Variants in UGT3A2 observed in about 807,000 individuals in gnomAD.
UGT3A2 encodes UDP glycosyltransferase family 3 member A2, also known as UDP-glycosyltransferase 3A2.
UGT3A2 carries 32 observed loss-of-function variants against 39.8 expected under a neutral mutation model. The observed-to-expected ratio is 0.80, with a 90% CI of 0.61 to 1.08. UGT3A2 has a LOEUF of 1.08. Ranked by LOEUF, UGT3A2 falls within the 50% of genes least tolerant of loss-of-function variation. The pLI is 0.00. For synonymous variants in UGT3A2, 241 were observed against 230.7 expected (o/e 1.04, Z -0.40); for missense variants, 611 against 637.1 (o/e 0.96, Z 0.44).
intron 4 of UGT3A2, among the ~76,000 whole-genome samples, chr5:36,046,348 T>C (rs149050653): frequency 1.3e-3 from 204 of 152,268 alleles, no homozygotes; most frequent in African/African-American, 4.6e-3. Context: ...AGCCAAGATA[T>C]GGAATCAATC....
intron 4 of UGT3A2, among the ~76,000 whole-genome samples, chr5:36,042,582 A>G (rs1035702414): frequency 6.6e-6 from 1 of 152,170 alleles, no homozygotes; most frequent in East Asian, 1.9e-4. Flanking sequence ...CTCTCCAATC[A>G]AAACAGAAAG....
Position 36,035,812 on chromosome 5 carries a change from G to T in UGT3A2, c.1458C>A (p.Leu486=). 1 of 1,614,116 alleles carries T rather than the reference G, an allele frequency of 6.2e-7. No individual in the cohort carries two copies. Among genetic ancestry groups the T allele is most frequent in the Non-Finnish European group, 8.5e-7 (1 of 1,180,022 alleles). The change falls in exon 7 of 7, where the codon CTC becomes CTA. Residue 486 remains leucine, a synonymous_variant. Coordinates refer to ENST00000282507, the MANE Select transcript of UGT3A2 (RefSeq NM_174914.4). ...GCCCCAGCAGAAACACAAAAACGTC[G>T]AGCAGGTACTGCTCATGCCAGGGCT... ...FQQPWHEQYL[L]DVFVFLLGLT...
At chr5:36,058,844 TG>T (rs1385989595) in intron 2 of UGT3A2, among the ~76,000 whole-genome samples, 1 of 152,158 alleles carries the variant, frequency 6.6e-6, no homozygotes, top group Non-Finnish European at 1.5e-5. Context: ...TCTCTCATAA[TG>T]ACAGTAACAA....
intron 4 of UGT3A2, among the ~76,000 whole-genome samples, chr5:36,045,125 T>TA: frequency 6.6e-6 from 1 of 152,136 alleles, no homozygotes; most frequent in Non-Finnish European, 1.5e-5. Flanking sequence ...GGTACTGGCA[T>TA]AAAAAACAAG....
Position 36,035,627 on chromosome 5 carries a change from A to T in UGT3A2, c.*71T>A, listed in dbSNP as rs1201510691. 6.4e-7 allele frequency: 1 copy of T among 1,558,880 alleles called. No homozygotes were observed. The highest frequency in any genetic ancestry group is 8.7e-7 in the Non-Finnish European group (1 of 1,149,984). On this transcript the variant is annotated 3_prime_UTR_variant, in exon 7 of 7. Transcript: ENST00000282507. Reference sequence around the variant, plus strand: ...AAGGACTAGAGAATGGGGCTGCCAGAACTAGTGGGAAGCTCCCTAGAAATG... The same window carrying T: ...AAGGACTAGAGAATGGGGCTGCCAGTACTAGTGGGAAGCTCCCTAGAAATG...
At position 36,039,691 on chromosome 5, in the gene UGT3A2, A is replaced by C; in HGVS notation, c.861T>G (p.Ile287Met). 1.9e-6 allele frequency: 3 copies of C among 1,614,158 alleles called. No homozygotes were observed. The highest frequency in any genetic ancestry group is 2.5e-6 in the Non-Finnish European group (3 of 1,179,992). ...KPVPQDLENF[I>M]AKFGDSGFVL... The stretch of plus-strand genomic sequence containing the variant: ...CAAAACCAGAGTCCCCAAACTTGGC[A>C]ATGAAGTTCTCCAAGTCCTGGAGAA... Residue 287 changes from isoleucine to methionine, a missense_variant, in exon 5 of 7, where the codon ATT (isoleucine) becomes ATG (methionine). Physicochemically the swap from Ile to Met is conservative, Grantham distance 10. Transcript: ENST00000282507.
chr5:36,048,708 A>C (rs1241303896), intron 4 of UGT3A2, among the ~76,000 whole-genome samples, 181 bp downstream of exon 4: 5 of 152,190 alleles, frequency 3.3e-5, no homozygotes, highest in African/African-American at 4.8e-5. Flanking sequence ...AGGATGGTGC[A>C]AGGCCTAACA....
rs777176537 is a variant in UGT3A2, at chr5:36,035,959, T to A, written c.1311A>T (p.Ala437=). 1 of 1,613,638 alleles carries A rather than the reference T, an allele frequency of 6.2e-7. No homozygotes were observed. Among genetic ancestry groups the A allele is most frequent in the South Asian group, 1.1e-5 (1 of 91,058 alleles). The change falls in exon 7 of 7, where the codon GCA becomes GCT. Residue 437 remains alanine (A), a synonymous_variant. Coordinates refer to ENST00000282507, the MANE Select transcript of UGT3A2 (RefSeq NM_174914.4). ...IMEDKRYKSA[A]VAASVILRSH... ...AGCGCAGGATGACACTGGCAGCCAC[T>A]GCCGCGGACTTGTATCTGTTGAGAG...
chr5:36,048,302 T>C (rs1241870174), intron 4 of UGT3A2, among the ~76,000 whole-genome samples: 13 of 152,188 alleles, frequency 8.5e-5, no homozygotes, highest in Admixed American at 8.5e-4. Flanking sequence ...AATTGCGCTG[T>C]GCATTCAAAT....
chr5:36,043,069 G>T (rs956921447), intron 4 of UGT3A2, among the ~76,000 whole-genome samples: 2 of 151,966 alleles, frequency 1.3e-5, no homozygotes, highest in Non-Finnish European at 2.9e-5. Flanking sequence ...TCCAATGACT[G>T]CAAAAAAGAC....
Position 36,049,045 on chromosome 5 carries a change from G to A in UGT3A2, c.687C>T (p.Phe229=). 6.2e-7 allele frequency: 1 copy of A among 1,614,214 alleles called. No homozygotes were observed. Among genetic ancestry groups the A allele is most frequent in the Non-Finnish European group, 8.5e-7 (1 of 1,180,048 alleles). The change falls in exon 4 of 7, where the codon TTC becomes TTT. Residue 229 remains phenylalanine, a synonymous_variant. Transcript: ENST00000282507. The part of the protein sequence containing the change: ...STFDNTIKEH[F]TEGSRPVLSH... ...ACAAAACTGGCCTAGAGCCTTCTGT[G>A]AAATGTTCCTTGATGGTGTTGTCAA...
In UGT3A2 at chr5:36,038,020, T is replaced by C; in HGVS notation, c.1076-4A>G. 2 of 1,583,514 alleles carry C rather than the reference T, an allele frequency of 1.3e-6. No homozygotes were observed. The highest frequency in any genetic ancestry group is 1.7e-6 in the Non-Finnish European group (2 of 1,168,932). On this transcript the variant is annotated splice_region_variant and splice_polypyrimidine_tract_variant and intron_variant, in intron 5 of 6. Coordinates refer to ENST00000282507, the MANE Select transcript of UGT3A2 (RefSeq NM_174914.4). ...AACAGACGGATGCTTGGGTGAGCTG[T>C]TGTAAATAAGAAAGAGGGTGGGACA...
chr5:36,047,064 C>T (rs1040141851), intron 4 of UGT3A2, among the ~76,000 whole-genome samples: 2 of 152,196 alleles, frequency 1.3e-5, no homozygotes, highest in African/African-American at 4.8e-5. Flanking sequence ...CAGACTAAGG[C>T]ATAAGTGATT....
Position 36,035,459 on chromosome 5 carries a change from C to A in UGT3A2, c.*239G>T. The A allele has an allele frequency of 1.8e-6, 1 of 554,616 alleles. No homozygotes were observed. Among genetic ancestry groups the A allele is most frequent in the South Asian group, 2.2e-5 (1 of 45,386 alleles). 34.4% of individuals were successfully genotyped at this position (554,616 alleles called of 1,614,324 possible). The stretch of plus-strand genomic sequence containing the variant: ...ATCACAGCATAGCCCTTGCTGATGG[C>A]AAACAAAGGAGGACAAGAGGACTGG... On this transcript the variant is annotated 3_prime_UTR_variant, in exon 7 of 7. Coordinates refer to ENST00000282507, the MANE Select transcript of UGT3A2 (RefSeq NM_174914.4).
chr5:36,039,767 C>G, intron 4 of UGT3A2, 59 bp from the exon 5 acceptor site: 13 of 1,454,928 alleles, frequency 8.9e-6, no homozygotes, highest in Non-Finnish European at 1.2e-5. Flanking sequence ...GCCTAGTTGA[C>G]CAGAAAATGA....
At chr5:36,038,989 G>C (rs4091908) in intron 5 of UGT3A2, among the ~76,000 whole-genome samples, 88,358 of 152,102 alleles carry the variant, frequency 0.58, 29,889 homozygotes, top group Non-Finnish European at 0.75. Context: ...TTAATCTTGT[G>C]ATGGTAGAAG....
At chr5:36,053,804 G>T (rs1264839019) in intron 2 of UGT3A2, among the ~76,000 whole-genome samples, 1 of 152,148 alleles carries the variant, frequency 6.6e-6, no homozygotes, top group African/African-American at 2.4e-5. Context: ...CCATTTTCTT[G>T]CCTTTTCCAG....
chr5:36,046,552 AAAATTAAAACAATT>A (rs1483073461), intron 4 of UGT3A2, among the ~76,000 whole-genome samples: 4 of 152,214 alleles, frequency 2.6e-5, no homozygotes, highest in Non-Finnish European at 5.9e-5. Flanking sequence ...ATGGGAGCTA[AAAATTAAAACAATT>A]AAACTCATGG....
At chr5:36,047,238 A>G (rs754044510) in intron 4 of UGT3A2, among the ~76,000 whole-genome samples, 1 of 152,132 alleles carries the variant, frequency 6.6e-6, no homozygotes, top group Non-Finnish European at 1.5e-5. Context: ...GTCTCCCTAA[A>G]ATGTATAAAA....
Sources: allele counts gnomAD v4.1 joint callset (sites outside exome capture counted in the v4.1 genomes callset), GRCh38; gene constraint gnomAD v4.1.1; transcripts MANE v1.5; gene names NCBI Gene and HGNC (gene_info 2026-07-23, HGNC 2026-07-21).